The following WNT8A variants were observed in gnomAD, a reference collection of about 807,000 sequenced individuals.
WNT8A encodes Wnt family member 8A.
In WNT8A, 14 loss-of-function variants were observed where a neutral mutation model predicts 20.5. The ratio of observed to expected loss-of-function variants is 0.68; its 90% CI spans 0.45 to 1.07. The LOEUF is 1.07. Ranked by LOEUF, WNT8A falls within the 50% of genes least tolerant of loss-of-function variation. The pLI is 0.00. For synonymous variants in WNT8A, 167 were observed against 169.2 expected, an observed-to-expected ratio of 0.99 and a Z score of 0.10; for missense variants, 397 against 462.9, an observed-to-expected ratio of 0.86 and a Z score of 1.31.
intron 4 of WNT8A, 31 bp from the exon 5 acceptor site, chr5:138,090,497 A>G (rs1365049582): frequency 1.9e-6 from 3 of 1,599,170 alleles, no homozygotes; most frequent in Admixed American, 1.7e-5. Context: ...CCCTACTCAG[A>G]GCCATTCTCT....
chr5:138,080,629 C>T (rs1277890050), upstream of WNT8A, among the ~76,000 whole-genome samples: 1 of 151,400 alleles, frequency 6.6e-6, no homozygotes, highest in Non-Finnish European at 1.5e-5. Context: ...GAGACAGGGT[C>T]TCATTCTGCC....
At position 138,089,057 on chromosome 5, in the gene WNT8A, G is replaced by C; in HGVS notation, c.552G>C (p.Arg184Ser). The change falls in exon 4 of 5, where the codon AGG becomes AGC. Residue 184 changes from arginine (R) to serine (S), a missense_variant. By Grantham distance (110) the Arg-to-Ser change is moderately radical. Transcript: ENST00000506684. ...CCCTGATGAATCTTCACAACAACAG[G>C]GCCGGCAGACTGGTGGGTATAGGCA... ...ARALMNLHNN[R>S]AGRLAVRATM... The C allele has an allele frequency of 6.2e-7, 1 of 1,613,346 alleles. No individual in the cohort carries two copies. Among genetic ancestry groups the C allele is most frequent in the Non-Finnish European group, 8.5e-7 (1 of 1,179,890 alleles).
intron 2 of WNT8A, among the ~76,000 whole-genome samples, chr5:138,087,289 A>AGAGAGCC (rs978490989): frequency 1.3e-5 from 2 of 151,776 alleles, no homozygotes; most frequent in Non-Finnish European, 2.9e-5. Context: ...CGGAGGTTGC[A>AGAGAGCC]GAGAGCCGAG....
upstream of WNT8A, among the ~76,000 whole-genome samples, chr5:138,081,964 T>C (rs1750521030): frequency 6.6e-6 from 1 of 152,188 alleles, no homozygotes; most frequent in Non-Finnish European, 1.5e-5. Flanking sequence ...GGGGACTCTT[T>C]GGCCCCTGGA....
At chr5:138,080,089 G>A (rs1374737746), upstream of WNT8A, among the ~76,000 whole-genome samples, 4 of 152,064 alleles carry the variant, frequency 2.6e-5, no homozygotes, top group Non-Finnish European at 4.4e-5. Context: ...TTGGGAGGCC[G>A]AGGTGAGCAA....
upstream of WNT8A, among the ~76,000 whole-genome samples, chr5:138,079,809 T>C (rs556106446): frequency 1.8e-3 from 274 of 152,286 alleles, 3 homozygotes; most frequent in African/African-American, 6.1e-3. Flanking sequence ...ATTAAGGAAA[T>C]TGATACACAG....
intron 4 of WNT8A, among the ~76,000 whole-genome samples, chr5:138,089,946 G>C (rs1377751923): frequency 6.6e-6 from 1 of 152,200 alleles, no homozygotes; most frequent in Non-Finnish European, 1.5e-5. Flanking sequence ...ATAGGCATGA[G>C]CCACCACATC....
chr5:138,081,768 A>G (rs532013082), upstream of WNT8A, among the ~76,000 whole-genome samples: 1 of 152,346 alleles, frequency 6.6e-6, no homozygotes, highest in South Asian at 2.1e-4. Context: ...ATGAAACAAA[A>G]AACTACATAC....
Position 138,090,875 on chromosome 5 carries a change from G to C in WNT8A, c.912G>C (p.Glu304Asp), listed in dbSNP as rs781405898. ...LQNSHNTSRW[E>D]RRSCGRLCTE... ...ACAGCCACAACACATCCAGGTGGGA[G>C]CGACGTAGCTGTGGGCGCCTGTGCA... The change falls in exon 5 of 5, where the codon GAG (glutamate) becomes GAC (aspartate). Residue 304 changes from glutamate to aspartate, a missense_variant. Transcript: ENST00000506684. 6.2e-7 allele frequency: 1 copy of C among 1,614,116 alleles called. No individual in the cohort carries two copies. Among genetic ancestry groups the C allele is most frequent in the Admixed American group, 1.7e-5 (1 of 60,010 alleles).
intron 2 of WNT8A, among the ~76,000 whole-genome samples, chr5:138,087,561 G>A (rs1264407398): frequency 7.0e-6 from 1 of 143,168 alleles, no homozygotes; most frequent in Non-Finnish European, 1.5e-5. Context: ...GGAGGCTGGG[G>A]CAGGAGAATT....
Position 138,090,847 on chromosome 5 carries a change from A to G in WNT8A, c.884A>G (p.Gln295Arg). 1.2e-6 allele frequency: 2 copies of G among 1,614,228 alleles called. No individual in the cohort carries two copies. The highest frequency in any genetic ancestry group is 1.3e-5 in the African/African-American group (1 of 75,066). ...GGCACAGAGGGTCGTGAGTGCCTAC[A>G]GAACAGCCACAACACATCCAGGTGG... Reference protein sequence around the residue: ...IYGTEGRECLQNSHNTSRWER... With the variant: ...IYGTEGRECLRNSHNTSRWER... Residue 295 changes from glutamine to arginine, a missense_variant, in exon 5 of 5, where the codon CAG (glutamine) becomes CGG (arginine). Gln to Arg is a conservative substitution (Grantham distance 43). Transcript: ENST00000506684.
chr5:138,088,359 CTTT>C (rs36126596), intron 3 of WNT8A, among the ~76,000 whole-genome samples: 4 of 140,660 alleles, frequency 2.8e-5, no homozygotes, highest in Admixed American at 7.2e-5. Context: ...TGCAGTGAAC[CTTT>C]TTTTTTTTTT....
Position 138,084,504 on chromosome 5 carries a change from C to A in WNT8A, c.163C>A (p.Leu55Met). 2 of 1,605,906 alleles carry A rather than the reference C, an allele frequency of 1.2e-6. No homozygotes were observed. Among genetic ancestry groups the A allele is most frequent in the South Asian group, 1.1e-5 (1 of 89,916 alleles). The change falls in exon 2 of 5, where the codon CTG (leucine) becomes ATG (methionine). Residue 55 changes from leucine to methionine, a missense_variant. By Grantham distance (15) the Leu-to-Met change is conservative (BLOSUM62 2). Coordinates refer to ENST00000506684, the MANE Select transcript of WNT8A (RefSeq NM_001300939.2). Reference protein sequence around the residue: ...NFLITGPKAYLTYTTSVALGA... With the variant: ...NFLITGPKAYMTYTTSVALGA... Reference sequence around the variant, plus strand: ...GCCCTTTTCCCTTTGCCAGGCCTATCTGACCTACACGACTAGTGTGGCCTT... The same window carrying A: ...GCCCTTTTCCCTTTGCCAGGCCTATATGACCTACACGACTAGTGTGGCCTT...
At chr5:138,080,444 G>GTTTTTTTTTTTTT (rs371833243), upstream of WNT8A, among the ~76,000 whole-genome samples, 10 of 55,970 alleles carry the variant, frequency 1.8e-4, no homozygotes, top group South Asian at 1.1e-3. Context: ...TGTAAATCTT[G>GTTTTTTTTTTTTT]TTTTTTTTTT....
intron 1 of WNT8A, 59 bp downstream of exon 1, chr5:138,084,342 G>A: frequency 6.3e-7 from 1 of 1,596,822 alleles, no homozygotes; most frequent in Non-Finnish European, 8.6e-7. Context: ...GACTCTTCTG[G>A]AGAAAAGAGG....
rs1254389851 is a variant in WNT8A, at chr5:138,091,167, A to G, written c.*94A>G. The G allele has an allele frequency of 6.5e-6, 10 of 1,539,328 alleles. No individual in the cohort carries two copies. The African/African-American group carries it at 1.2e-4, about 19-fold the overall frequency. ...GAACAGATTGGAAAGCAATCGGAAA[A>G]TTGCAGTTTTGGTCTGTAGTCCTCA... On this transcript the variant is annotated 3_prime_UTR_variant, in exon 5 of 5. Transcript: ENST00000506684.
intron 2 of WNT8A, among the ~76,000 whole-genome samples, chr5:138,087,580 C>G (rs944885631): frequency 1.6e-5 from 2 of 127,596 alleles, no homozygotes; most frequent in Non-Finnish European, 3.1e-5. Flanking sequence ...TTGCTTGAAC[C>G]TGGGAGGCAG....
the WNT8A span, among the ~76,000 whole-genome samples, chr5:138,077,412 C>T: frequency 4.6e-3 from 706 of 152,298 alleles, 2 homozygotes; most frequent in Non-Finnish European, 7.7e-3. Context: ...CTCTCTCTCT[C>T]AGACCAGAAT....
At chr5:138,080,878 A>C (rs956726013), upstream of WNT8A, among the ~76,000 whole-genome samples, 3 of 152,150 alleles carry the variant, frequency 2.0e-5, no homozygotes, top group South Asian at 6.2e-4. Flanking sequence ...CCAAGGTCAC[A>C]CAACAAGCCC....
Sources: gnomAD v4.1 joint callset for allele counts (sites outside exome capture counted in the v4.1 genomes callset) on GRCh38, gnomAD v4.1.1 for gene constraint, MANE v1.5 for transcripts, NCBI Gene and HGNC (gene_info 2026-07-23, HGNC 2026-07-21) for gene names.